TTC7B: variants seen among roughly 807,000 people sequenced by gnomAD.
TTC7B encodes tetratricopeptide repeat protein 7B.
Under a neutral mutation model 106.8 loss-of-function variants are expected in TTC7B, and 28 were observed. That is an observed-to-expected ratio of 0.26 (90% CI 0.19 to 0.36). TTC7B has a LOEUF of 0.36. Ranked by LOEUF, TTC7B falls within the 10% of genes least tolerant of loss-of-function variation. The probability of loss-of-function intolerance (pLI) is 1.00; values close to 1 mark genes in which losing one functional copy is unlikely to be tolerated. For missense variants in TTC7B, 862 were observed against 1,076.4 expected (o/e 0.80, Z 2.79); for synonymous variants, 405 against 430.6 (o/e 0.94, Z 0.74).
chr14:90,564,746 C>T (rs1890718072), intron 19 of TTC7B, among the ~76,000 whole-genome samples: 1 of 152,024 alleles, frequency 6.6e-6, no homozygotes, highest in Non-Finnish European at 1.5e-5. Context: ...CCTATCTGCA[C>T]AAAAAACTTA....
intron 4 of TTC7B, among the ~76,000 whole-genome samples, chr14:90,736,582 G>A (rs1207937898): frequency 6.6e-6 from 1 of 150,892 alleles, no homozygotes; most frequent in Non-Finnish European, 1.5e-5. Context: ...AGAAAAAAAA[G>A]GGGGGGTGGG....
rs183506737 is a variant in TTC7B, at chr14:90,795,542, A to C, written c.122-9214T>G. Among the ~76,000 whole-genome samples, 390 of 152,324 alleles carry C rather than the reference A, an allele frequency of 2.6e-3. 6 individuals carry two copies. In the South Asian group the frequency reaches 0.035, roughly 14 times the overall value. On this transcript the variant is annotated intron_variant, in intron 1 of 19. Transcript: ENST00000328459. ...AGGGGAAAGAGCTTTGGCCTCTGGC[A>C]GCCCTGGGCTTAAATCCCACCTCCC...
At chr14:90,701,709 T>TATATATACACACACACAC (rs1555391267) in intron 5 of TTC7B, among the ~76,000 whole-genome samples, 43 of 150,174 alleles carry the variant, frequency 2.9e-4, no homozygotes, top group African/African-American at 1.0e-3. Flanking sequence ...TATATATATA[T>TATATATACACACACACAC]ACACACACAC....
At chr14:90,744,701 A>T (rs1889892715) in intron 4 of TTC7B, 91 bp downstream of exon 4, 1 of 1,355,652 alleles carries the variant, frequency 7.4e-7, no homozygotes. Context: ...GAGACAGACA[A>T]GTTGAAAGCT....
intron 15 of TTC7B, among the ~76,000 whole-genome samples, chr14:90,639,512 T>C (rs1885078632): frequency 6.6e-6 from 1 of 152,224 alleles, no homozygotes; most frequent in Non-Finnish European, 1.5e-5. Flanking sequence ...GCAACCATTC[T>C]GCCAAAAATA....
At position 90,541,372 on chromosome 14, in the gene TTC7B, A is replaced by G. The variant is rs775950890; in HGVS notation, c.2528T>C (p.Leu843Pro). ...GTGAGGCTGGCAGGCGCCTGCTCAG[A>G]GCACGCGGGGGATGATGGTGAAGGG... ...AVPFTIIPRV[L>P] is the part of the protein sequence containing the mutation. Residue 843 changes from leucine to proline, a missense_variant, in exon 20 of 20, where the codon CTC (leucine) becomes CCC (proline). Physicochemically the swap from Leu to Pro is moderately conservative, Grantham distance 98 (BLOSUM62 -3). Coordinates refer to ENST00000328459, the MANE Select transcript of TTC7B (RefSeq NM_001010854.2). 3 of 1,599,842 alleles carry G rather than the reference A, an allele frequency of 1.9e-6. No individual in the cohort carries two copies. The highest frequency in any genetic ancestry group is 2.6e-6 in the Non-Finnish European group (3 of 1,173,676).
chr14:90,605,173 C>T (rs1367345398), intron 17 of TTC7B, among the ~76,000 whole-genome samples: 1 of 152,188 alleles, frequency 6.6e-6, no homozygotes, highest in African/African-American at 2.4e-5. Context: ...AGGGCTGTGG[C>T]CCTGATCTGT....
chr14:90,628,523 C>G (rs1411279525), intron 15 of TTC7B, among the ~76,000 whole-genome samples: 3 of 152,230 alleles, frequency 2.0e-5, no homozygotes, highest in Non-Finnish European at 4.4e-5. Flanking sequence ...GGAATCCCAC[C>G]ACCTAGACCT....
Position 90,773,426 on chromosome 14 carries a change from G to A in TTC7B, c.445+7312C>T, listed in dbSNP as rs117410091. On this transcript the variant is annotated intron_variant, in intron 3 of 19. Coordinates refer to ENST00000328459, the MANE Select transcript of TTC7B (RefSeq NM_001010854.2). ...AGCTCAGTAAAGTGGAAAGAGTATG[G>A]ATGCTGGAGTCCACAGGCCTTGCTT... Among the ~76,000 whole-genome samples, 1,406 of 152,266 alleles carry A rather than the reference G, an allele frequency of 9.2e-3. 12 individuals are homozygous for A. The highest frequency in any genetic ancestry group is 0.017 in the Middle Eastern group (5 of 294).
rs1054145517 is a variant in TTC7B at position 90,620,767 on chromosome 14, G to A, written c.1752-2722C>T. 1.1e-4 allele frequency among the ~76,000 whole-genome samples: 17 copies of A among 152,226 alleles called. No individual in the cohort carries two copies. The East Asian group carries it at 1.3e-3, about 12-fold the overall frequency. Reference sequence around the variant, plus strand: ...CCCAAAGGACAGAATGCCAGAGTGCGTCTCTAAGCCTCAGCTTGGGGGAAC... The same window carrying A: ...CCCAAAGGACAGAATGCCAGAGTGCATCTCTAAGCCTCAGCTTGGGGGAAC... On this transcript the variant is annotated intron_variant, in intron 15 of 19. Coordinates refer to ENST00000328459, the MANE Select transcript of TTC7B (RefSeq NM_001010854.2).
rs1438224628 is a variant in TTC7B at position 90,600,698 on chromosome 14, C to G, written c.1967-7072G>C. The stretch of plus-strand genomic sequence containing the variant: ...ATCACCGGTGGGCATGCGGGGCTAG[C>G]GCAGCATGCTGCTGGTGGGTGCTGG... On this transcript the variant is annotated intron_variant, in intron 17 of 19. Coordinates refer to ENST00000328459, the MANE Select transcript of TTC7B (RefSeq NM_001010854.2). The surrounding 1 kb of genome is among the most constrained non-coding windows in gnomAD (Gnocchi z 4.3). Among the ~76,000 whole-genome samples the G allele has an allele frequency of 6.6e-6, 1 of 152,164 alleles. No individual in the cohort carries two copies. Among genetic ancestry groups the G allele is most frequent in the Admixed American group, 6.5e-5 (1 of 15,280 alleles).
chr14:90,640,645 C>G (rs1330134977), intron 15 of TTC7B, among the ~76,000 whole-genome samples: 1 of 152,124 alleles, frequency 6.6e-6, no homozygotes. Flanking sequence ...CTAAAGGATT[C>G]TAAAATACCA....
intron 1 of TTC7B, among the ~76,000 whole-genome samples, chr14:90,815,604 C>T (rs1436221618): frequency 1.3e-5 from 2 of 152,088 alleles, no homozygotes; most frequent in African/African-American, 4.8e-5. Context: ...AACGCCAGGA[C>T]GCACATCCCA....
In TTC7B at chr14:90,600,394, C is replaced by T. The variant is rs1053056406; in HGVS notation, c.1967-6768G>A. Reference sequence around the variant, plus strand: ...GTGTCCCCCAGTGTGACAGCAGGGGCGGGGCCGCTGCCCACCCAGTCCCAC... The same window carrying T: ...GTGTCCCCCAGTGTGACAGCAGGGGTGGGGCCGCTGCCCACCCAGTCCCAC... On this transcript the variant is annotated intron_variant, in intron 17 of 19. Transcript: ENST00000328459. The surrounding 1 kb of genome is among the most constrained non-coding windows in gnomAD (Gnocchi z 4.3). Among the ~76,000 whole-genome samples the T allele has an allele frequency of 2.0e-5, 3 of 152,130 alleles. No individual in the cohort carries two copies. The highest frequency in any genetic ancestry group is 4.4e-5 in the Non-Finnish European group (3 of 68,006).
chr14:90,601,766 A>C (rs1892433658), intron 17 of TTC7B, among the ~76,000 whole-genome samples: 1 of 152,210 alleles, frequency 6.6e-6, no homozygotes, highest in Non-Finnish European at 1.5e-5. Flanking sequence ...CCCAGGGTGT[A>C]ACTCAGGGGG....
At chr14:90,704,482 G>A (rs1535321) in intron 5 of TTC7B, among the ~76,000 whole-genome samples, 124,020 of 152,220 alleles carry the variant, frequency 0.81, 51,308 homozygotes, top group African/African-American at 0.95. Flanking sequence ...AGTGCTAAGG[G>A]AAGGTGAAGA....
intron 4 of TTC7B, among the ~76,000 whole-genome samples, chr14:90,732,749 T>A (rs1405598277): frequency 6.6e-6 from 1 of 152,092 alleles, no homozygotes; most frequent in Non-Finnish European, 1.5e-5. Flanking sequence ...TTTTTCATAA[T>A]CCAGTCTGGA....
chr14:90,655,185 C>T (rs1566820699), intron 11 of TTC7B, 75 bp from the exon 12 acceptor site: 1 of 1,106,830 alleles, frequency 9.0e-7, no homozygotes, highest in Non-Finnish European at 1.4e-6. Flanking sequence ...GCGTCTGCTG[C>T]CAAAATTGGA....
chr14:90,795,192 T>G (rs1450763621), intron 1 of TTC7B, among the ~76,000 whole-genome samples: 1 of 151,946 alleles, frequency 6.6e-6, no homozygotes, highest in Non-Finnish European at 1.5e-5. Flanking sequence ...AGGGACCAAA[T>G]TTACTCTCCT....
Sources: gnomAD v4.1 joint callset for allele counts (sites outside exome capture counted in the v4.1 genomes callset) on GRCh38, gnomAD v4.1.1 for gene constraint, Gnocchi (gnomAD v3.1) non-coding constraint, MANE v1.5 for transcripts, NCBI Gene and HGNC (gene_info 2026-07-23, HGNC 2026-07-21) for gene names.